Variants in PBRM1 observed in about 807,000 individuals in gnomAD.
PBRM1 encodes the protein polybromo 1.
Under a neutral mutation model 194.5 loss-of-function variants are expected in PBRM1, and 27 were observed. The ratio of observed to expected loss-of-function variants is 0.14; its 90% CI spans 0.10 to 0.19. The LOEUF (loss-of-function observed/expected upper bound fraction) is 0.19. Ranked by LOEUF, PBRM1 falls within the 10% of genes least tolerant of loss-of-function variation. PBRM1 has a pLI of 1.00. For missense variants in PBRM1, 1,466 were observed against 2,077.2 expected (o/e 0.71, Z 5.72); for synonymous variants, 655 against 693.2 (o/e 0.94, Z 0.87).
At chr3:52,682,928 G>A (rs991583657), upstream of PBRM1, among the ~76,000 whole-genome samples, 1 of 152,068 alleles carries the variant, frequency 6.6e-6, no homozygotes, top group Non-Finnish European at 1.5e-5. Flanking sequence ...AGCTGGGTGC[G>A]GTGGCTCATG....
chr3:52,682,374 TAAAAAAAAAAAA>T (rs34758458), upstream of PBRM1: 1 of 132,534 alleles, frequency 7.5e-6, no homozygotes, highest in African/African-American at 2.9e-5. Context: ...TTGACAAGGT[TAAAAAAAAAAAA>T]AAAAGGGCCA....
At chr3:52,594,607 T>C (rs2093394574) in intron 17 of PBRM1, among the ~76,000 whole-genome samples, 1 of 152,222 alleles carries the variant, frequency 6.6e-6, no homozygotes, top group Non-Finnish European at 1.5e-5. Context: ...TATTGATATG[T>C]ATGGATCTGA....
chr3:52,616,051 T>C (rs1286217673), intron 14 of PBRM1, among the ~76,000 whole-genome samples: 2 of 152,160 alleles, frequency 1.3e-5, no homozygotes, highest in African/African-American at 4.8e-5. Flanking sequence ...AGATGCTATG[T>C]CCTCCCTTGG....
intron 16 of PBRM1, among the ~76,000 whole-genome samples, chr3:52,604,586 G>A (rs556613707): frequency 6.2e-4 from 94 of 152,062 alleles, no homozygotes; most frequent in Non-Finnish European, 1.1e-3. Flanking sequence ...CTAGCTATCC[G>A]GGAAGCTGAG....
chr3:52,626,621 A>C (rs2095457450), intron 13 of PBRM1, among the ~76,000 whole-genome samples: 1 of 152,178 alleles, frequency 6.6e-6, no homozygotes, highest in Non-Finnish European at 1.5e-5. Context: ...GCGAGAGATA[A>C]TATTGCAAAA....
At chr3:52,654,291 A>T (rs2096566604) in intron 5 of PBRM1, among the ~76,000 whole-genome samples, 1 of 152,258 alleles carries the variant, frequency 6.6e-6, no homozygotes, top group Non-Finnish European at 1.5e-5. Context: ...TAAGCTTACC[A>T]CTACTTTCTT....
At chr3:52,573,407 C>T (rs2088163321) in intron 22 of PBRM1, among the ~76,000 whole-genome samples, 1 of 152,116 alleles carries the variant, frequency 6.6e-6, no homozygotes, top group Non-Finnish European at 1.5e-5. Context: ...AATTCTCTTG[C>T]CTCAGCCTCT....
At chr3:52,634,559 C>T (rs143204164) in intron 11 of PBRM1, 43 bp downstream of exon 12, 29 of 1,290,950 alleles carry the variant, frequency 2.2e-5, no homozygotes, top group Non-Finnish European at 3.1e-5. Context: ...GGCTCAGCCA[C>T]AACAAAATAA....
In PBRM1 at chr3:52,664,953, A is replaced by G. The variant is rs139368902; in HGVS notation, c.385-2677T>C. On this transcript the variant is annotated intron_variant, in intron 3 of 29. Transcript: ENST00000296302. Reference sequence around the variant, plus strand: ...AAGCATTACTACTCGCAAATTCTATAAAGATATCCACATCTAAATATATCA... The same window carrying G: ...AAGCATTACTACTCGCAAATTCTATGAAGATATCCACATCTAAATATATCA... Among the ~76,000 whole-genome samples the G allele has an allele frequency of 5.8e-3, 884 of 152,282 alleles. 3 individuals are homozygous for G. Among genetic ancestry groups the G allele is most frequent in the African/African-American group, 0.02 (835 of 41,558 alleles).
chr3:52,600,031 T>A (rs1180375751), intron 17 of PBRM1, among the ~76,000 whole-genome samples: 1 of 152,176 alleles, frequency 6.6e-6, no homozygotes, highest in Non-Finnish European at 1.5e-5. Context: ...TTTTTGTTTT[T>A]CATTGATATA....
At chr3:52,676,664 G>A (rs2097111827) in intron 2 of PBRM1, among the ~76,000 whole-genome samples, 1 of 152,178 alleles carries the variant, frequency 6.6e-6, no homozygotes, top group African/African-American at 2.4e-5. Flanking sequence ...CCGAAAATGT[G>A]GAAGCGACTT....
chr3:52,653,600 AAAAG>A (rs1341518371), intron 5 of PBRM1, among the ~76,000 whole-genome samples: 2 of 150,270 alleles, frequency 1.3e-5, no homozygotes, highest in Non-Finnish European at 3.0e-5. Flanking sequence ...AAAAAAAAAA[AAAAG>A]AAAGAAAGAA....
At chr3:52,587,853 T>C (rs528545419) in intron 18 of PBRM1, among the ~76,000 whole-genome samples, 7 of 152,002 alleles carry the variant, frequency 4.6e-5, no homozygotes, top group Admixed American at 2.0e-4. Flanking sequence ...AATAATAAAG[T>C]GTAATGAGGC....
chr3:52,597,392 C>A (rs1467816026), intron 17 of PBRM1, among the ~76,000 whole-genome samples: 1 of 152,058 alleles, frequency 6.6e-6, no homozygotes, highest in African/African-American at 2.4e-5. Flanking sequence ...TCTCCTATTT[C>A]TTGGTATTAG....
At chr3:52,643,451 A>G (rs1313610236) in intron 8 of PBRM1, 108 bp from the exon 10 acceptor site, 1 of 743,998 alleles carries the variant, frequency 1.3e-6, no homozygotes, top group African/African-American at 1.7e-5. Context: ...TAGAAATGCT[A>G]AAATACTTCT....
chr3:52,675,723 G>C (rs538597034), intron 2 of PBRM1, among the ~76,000 whole-genome samples: 1 of 152,116 alleles, frequency 6.6e-6, no homozygotes, highest in Non-Finnish European at 1.5e-5. Context: ...TCACATACAC[G>C]GTCAAGCAAA....
upstream of PBRM1, among the ~76,000 whole-genome samples, chr3:52,680,895 G>T (rs1690953698): frequency 1.3e-5 from 2 of 151,610 alleles, no homozygotes; most frequent in South Asian, 4.2e-4. Context: ...TCTTGACCTC[G>T]TGATCCGCCC....
intron 3 of PBRM1, among the ~76,000 whole-genome samples, chr3:52,665,959 C>T (rs999963369): frequency 6.6e-6 from 1 of 151,936 alleles, no homozygotes; most frequent in Non-Finnish European, 1.5e-5. Context: ...TAGCTTCTGG[C>T]TTTGAATAAG....
chr3:52,662,126 C>T lies in PBRM1; in HGVS notation c.528+7G>A, dbSNP rs2153919743. 2 of 1,613,374 alleles carry T rather than the reference C, an allele frequency of 1.2e-6. No individual in the cohort carries two copies. The highest frequency in any genetic ancestry group is 1.3e-5 in the African/African-American group (1 of 75,008). On this transcript the variant is annotated splice_region_variant and intron_variant, in intron 4 of 29. Coordinates refer to ENST00000296302, the Ensembl canonical transcript of PBRM1. Reference sequence around the variant, plus strand: ...CCATCCATCACAAGTTCCAGCTACACACTTACTCCTTCAGTCACTGTGCCC... The same window carrying T: ...CCATCCATCACAAGTTCCAGCTACATACTTACTCCTTCAGTCACTGTGCCC...
Sources: allele counts gnomAD v4.1 joint callset (sites outside exome capture counted in the v4.1 genomes callset), GRCh38; gene constraint gnomAD v4.1.1; transcripts MANE v1.5; gene names NCBI Gene and HGNC (gene_info 2026-07-23, HGNC 2026-07-21).